The following SORCS3 variants were observed in gnomAD, a reference collection of about 807,000 sequenced individuals.
SORCS3 encodes sortilin related VPS10 domain containing receptor 3.
Under a neutral mutation model 146.3 loss-of-function variants are expected in SORCS3, and 57 were observed. The ratio of observed to expected loss-of-function variants is 0.39; its 90% confidence interval spans 0.31 to 0.49. The LOEUF is 0.49. SORCS3 is among the 20% of genes least tolerant of loss of function. The pLI, the probability that SORCS3 is intolerant of heterozygous loss-of-function variation, is 0.92. For missense variants in SORCS3, 1,341 were observed against 1,575.5 expected (o/e 0.85, Z 2.52); for synonymous variants, 653 against 618.5 (o/e 1.06, Z -0.83).
At chr10:105,135,220 T>C (rs1387821709) in intron 7 of SORCS3, among the ~76,000 whole-genome samples, 1 of 152,082 alleles carries the variant, frequency 6.6e-6, no homozygotes, top group African/African-American at 2.4e-5. Flanking sequence ...ATAGCACATG[T>C]AGTAGCTGTG....
intron 4 of SORCS3, among the ~76,000 whole-genome samples, chr10:104,983,772 T>C (rs1413473151): frequency 6.6e-6 from 1 of 151,978 alleles, no homozygotes; most frequent in African/African-American, 2.4e-5. Flanking sequence ...TGCAAGTCCC[T>C]ATGACCTTAA....
chr10:104,723,093 C>T (rs1402894236), intron 1 of SORCS3, among the ~76,000 whole-genome samples: 7 of 152,176 alleles, frequency 4.6e-5, no homozygotes, highest in African/African-American at 1.4e-4. Context: ...TTAGATCTTT[C>T]CTGCTTTCTC....
At chr10:105,252,390 G>GTTGGTT (rs751671102) in intron 22 of SORCS3, among the ~76,000 whole-genome samples, 2 of 152,162 alleles carry the variant, frequency 1.3e-5, no homozygotes, top group African/African-American at 2.4e-5. Context: ...ATTTTCCCAT[G>GTTGGTT]TTGGTTTATG....
At chr10:105,150,490 G>A (rs791136) in intron 9 of SORCS3, among the ~76,000 whole-genome samples, 5,412 of 152,162 alleles carry the variant, frequency 0.036, 311 homozygotes, top group African/African-American at 0.12. Flanking sequence ...CACTCTGACT[G>A]TCAGTCCTTT....
intron 7 of SORCS3, among the ~76,000 whole-genome samples, chr10:105,136,372 A>G (rs2056059033): frequency 6.6e-6 from 1 of 152,184 alleles, no homozygotes; most frequent in Admixed American, 6.5e-5. Context: ...TCATGATGGC[A>G]TAGTCCTCAT....
At chr10:104,871,160 T>G (rs2018514945) in intron 2 of SORCS3, among the ~76,000 whole-genome samples, 1 of 152,216 alleles carries the variant, frequency 6.6e-6, no homozygotes, top group South Asian at 2.1e-4. Context: ...AAATTACATG[T>G]GGGTTAACTT....
chr10:105,128,144 A>G (rs2055989560), intron 7 of SORCS3, among the ~76,000 whole-genome samples: 1 of 152,162 alleles, frequency 6.6e-6, no homozygotes, highest in South Asian at 2.1e-4. Flanking sequence ...GGCAGTGCAT[A>G]TTACATGGTA....
intron 3 of SORCS3, among the ~76,000 whole-genome samples, chr10:104,921,503 CTGTGTG>C (rs752411926): frequency 9.6e-4 from 138 of 143,566 alleles, no homozygotes; most frequent in African/African-American, 2.5e-3. Context: ...CTCTCTCTCT[CTGTGTG>C]TGTGTGTGTG....
chr10:104,711,904 G>C (rs1263373412), intron 1 of SORCS3, among the ~76,000 whole-genome samples: 2 of 152,118 alleles, frequency 1.3e-5, no homozygotes, highest in Non-Finnish European at 2.9e-5. Flanking sequence ...AAGGAGGATG[G>C]AACTAGTTTA....
Position 105,201,105 on chromosome 10 carries a change from G to A in SORCS3, c.2128-15G>A. 1.9e-6 allele frequency: 3 copies of A among 1,608,712 alleles called. No individual in the cohort carries two copies. The highest frequency in any genetic ancestry group is 1.7e-6 in the Non-Finnish European group (2 of 1,178,286). Reference sequence around the variant, plus strand: ...TTGTTTTTCTGTCTCTCACACTATGGAATTTCTCTCTAAGGGAGAGCCTTG... The same window carrying A: ...TTGTTTTTCTGTCTCTCACACTATGAAATTTCTCTCTAAGGGAGAGCCTTG... On this transcript the variant is annotated splice_polypyrimidine_tract_variant and intron_variant, in intron 15 of 26. Coordinates refer to ENST00000369701, the MANE Select transcript of SORCS3 (RefSeq NM_014978.3).
At chr10:105,067,891 G>T (rs989738101) in intron 5 of SORCS3, among the ~76,000 whole-genome samples, 3 of 151,676 alleles carry the variant, frequency 2.0e-5, no homozygotes, top group East Asian at 1.9e-4. Flanking sequence ...TGCTTCTCTT[G>T]GGTTGGAGAT....
intron 7 of SORCS3, among the ~76,000 whole-genome samples, chr10:105,124,862 G>A (rs1030259577): frequency 2.0e-5 from 3 of 152,064 alleles, no homozygotes; most frequent in Non-Finnish European, 2.9e-5. Context: ...GTAATTCCAC[G>A]GAATGCAATT....
At chr10:104,987,678 G>A (rs2054970205) in intron 4 of SORCS3, among the ~76,000 whole-genome samples, 1 of 151,958 alleles carries the variant, frequency 6.6e-6, no homozygotes, top group African/African-American at 2.4e-5. Flanking sequence ...CTTGTTGGAT[G>A]TAACCTCAAT....
chr10:105,260,720 G>A (rs1188349708), intron 25 of SORCS3, among the ~76,000 whole-genome samples: 1 of 152,208 alleles, frequency 6.6e-6, no homozygotes, highest in Admixed American at 6.5e-5. Context: ...GGGGAATGTA[G>A]AAGCTTGAGA....
intron 12 of SORCS3, among the ~76,000 whole-genome samples, chr10:105,165,232 A>G (rs1346614798): frequency 1.3e-5 from 2 of 152,136 alleles, no homozygotes; most frequent in African/African-American, 4.8e-5. Flanking sequence ...TAGCTAGATA[A>G]CTATAATTCA....
At chr10:105,128,739 A>T (rs1270682287) in intron 7 of SORCS3, among the ~76,000 whole-genome samples, 1 of 152,166 alleles carries the variant, frequency 6.6e-6, no homozygotes, top group Non-Finnish European at 1.5e-5. Flanking sequence ...ATGGGAATTT[A>T]TGGATCAACA....
intron 1 of SORCS3, chr10:104,664,923 G>C (rs2015750995): frequency 6.6e-6 from 1 of 152,416 alleles, no homozygotes; most frequent in South Asian, 2.1e-4. Flanking sequence ...TTACAGTGAA[G>C]GGGGCTATGG....
At chr10:104,847,661 G>T (rs1382581524) in intron 2 of SORCS3, among the ~76,000 whole-genome samples, 1 of 152,154 alleles carries the variant, frequency 6.6e-6, no homozygotes, top group African/African-American at 2.4e-5. Context: ...AAATGAATTT[G>T]CAGTTGTCTA....
intron 20 of SORCS3, among the ~76,000 whole-genome samples, chr10:105,242,557 C>CATTTATATATATTTATATATTTATATAT (rs2056835957): frequency 7.1e-5 from 3 of 42,070 alleles, no homozygotes; most frequent in African/African-American, 3.0e-4. Flanking sequence ...TATTTATATA[C>CATTTATATATATTTATATATTTATATAT]ATTTATATAT....
Sources: allele counts gnomAD v4.1 joint callset (sites outside exome capture counted in the v4.1 genomes callset), GRCh38; gene constraint gnomAD v4.1.1; transcripts MANE v1.5; gene names NCBI Gene and HGNC (gene_info 2026-07-23, HGNC 2026-07-21).